RBFOX3: variants seen among roughly 807,000 people sequenced by gnomAD.
The protein encoded by RBFOX3 is RNA binding protein fox-1 homolog 3.
Under a neutral mutation model 48.7 loss-of-function variants are expected in RBFOX3, and 17 were observed. That is an observed-to-expected ratio of 0.35 (90% confidence interval 0.24 to 0.52). The LOEUF (loss-of-function observed/expected upper bound fraction) is 0.52. RBFOX3 is among the 20% of genes least tolerant of loss of function. The pLI is 0.94. For synonymous variants in RBFOX3, 212 were observed against 209.5 expected, an observed-to-expected ratio of 1.01 and a Z score of -0.10; for missense variants, 382 against 497.5, an observed-to-expected ratio of 0.77 and a Z score of 2.21.
intron 4 of RBFOX3, among the ~76,000 whole-genome samples, chr17:79,176,992 C>T (rs377576797): frequency 6.6e-6 from 1 of 152,198 alleles, no homozygotes; most frequent in African/African-American, 2.4e-5. Flanking sequence ...CAGCTGCTGT[C>T]CCGGTCTGGG....
At chr17:79,378,648 C>T (rs910951491) in intron 2 of RBFOX3, among the ~76,000 whole-genome samples, 7 of 152,146 alleles carry the variant, frequency 4.6e-5, no homozygotes, top group East Asian at 3.9e-4. Context: ...AACCTCCTCT[C>T]GCTCTCCTGC....
chr17:79,634,627 A>G, the RBFOX3 span, among the ~76,000 whole-genome samples: 1 of 152,116 alleles, frequency 6.6e-6, no homozygotes, highest in African/African-American at 2.4e-5. Context: ...GTCCTCAGGG[A>G]GCCTTCAGGG....
intron 1 of RBFOX3, among the ~76,000 whole-genome samples, chr17:79,544,935 A>G (rs2090195660): frequency 1.3e-5 from 2 of 151,568 alleles, no homozygotes; most frequent in Non-Finnish European, 1.5e-5. Flanking sequence ...AACATAAAAT[A>G]AAAACATGCT....
At chr17:79,318,880 AG>A (rs1568032917) in intron 2 of RBFOX3, among the ~76,000 whole-genome samples, 6 of 118,912 alleles carry the variant, frequency 5.0e-5, no homozygotes, top group Non-Finnish European at 9.3e-5. Flanking sequence ...AAAAAAAAAA[AG>A]GGATGGAGGG....
chr17:79,198,048 G>A lies in RBFOX3; in HGVS notation c.-34+37718C>T, dbSNP rs1010022183. On this transcript the variant is annotated intron_variant, in intron 4 of 14. Coordinates refer to ENST00000693108, the MANE Select transcript of RBFOX3 (RefSeq NM_001350451.2). The surrounding 1 kb of genome is among the most constrained non-coding windows in gnomAD (Gnocchi z 8.2). ...ATCCATCCCGAGTGCCTCTGTCTGC[G>A]TCAGGAGAGTCGTGTGGGGTGGGCT... Among the ~76,000 whole-genome samples, 6 of 149,720 alleles carry A rather than the reference G, an allele frequency of 4.0e-5. No homozygotes were observed. Among genetic ancestry groups the A allele is most frequent in the East Asian group, 2.0e-4 (1 of 5,046 alleles).
intron 2 of RBFOX3, among the ~76,000 whole-genome samples, chr17:79,466,725 C>T (rs1012315406): frequency 2.6e-5 from 4 of 152,210 alleles, no homozygotes; most frequent in East Asian, 1.9e-4. Context: ...GGGCGGCAGG[C>T]GCCGTTGCCA....
chr17:79,656,710 A>AAGGAAG, the RBFOX3 span, among the ~76,000 whole-genome samples: 1 of 85,008 alleles, frequency 1.2e-5, no homozygotes, highest in African/African-American at 6.1e-5. Context: ...GGAAGGAAGG[A>AAGGAAG]GAGAGAGAGA....
chr17:79,435,719 A>C (rs1262320825), intron 2 of RBFOX3, among the ~76,000 whole-genome samples: 1 of 151,948 alleles, frequency 6.6e-6, no homozygotes, highest in African/African-American at 2.4e-5. Context: ...TGGCATTCCC[A>C]TTGGTTTGCA....
At chr17:79,603,883 A>G (rs2093766893) in intron 1 of RBFOX3, 1 of 152,404 alleles carries the variant, frequency 6.6e-6, no homozygotes, top group African/African-American at 2.4e-5. Context: ...CGCCCTCCCC[A>G]GCGGTATGCT....
In RBFOX3 at chr17:79,311,819, G is replaced by A. The variant is rs574712511; in HGVS notation, c.-174-3995C>T. On this transcript the variant is annotated intron_variant, in intron 2 of 14. Transcript: ENST00000693108. This position sits in a 1 kb window ranked among gnomAD's most constrained non-coding sequence, Gnocchi z 4.2. ...TGGCAGAAACGGGGAACAGGAAGGA[G>A]GCAGCCCAAAGCCTCATGTCTGCTT... is the stretch of plus-strand genomic sequence containing the variant. 1.3e-5 allele frequency among the ~76,000 whole-genome samples: 2 copies of A among 152,272 alleles called. No homozygotes were observed. The highest frequency in any genetic ancestry group is 3.9e-4 in the East Asian group (2 of 5,172).
intron 2 of RBFOX3, among the ~76,000 whole-genome samples, chr17:79,322,215 G>T (rs1437819264): frequency 6.6e-6 from 1 of 151,834 alleles, no homozygotes; most frequent in Non-Finnish European, 1.5e-5. Context: ...AAAAAATACA[G>T]GGGGGTGGGT....
chr17:79,503,872 T>C (rs1382607354), intron 1 of RBFOX3, among the ~76,000 whole-genome samples: 1 of 152,244 alleles, frequency 6.6e-6, no homozygotes, highest in South Asian at 2.1e-4. Context: ...GGTGCAGAGC[T>C]CACAGGGGCT....
intron 2 of RBFOX3, among the ~76,000 whole-genome samples, chr17:79,447,080 T>C (rs1438407610): frequency 6.6e-6 from 1 of 152,216 alleles, no homozygotes; most frequent in Non-Finnish European, 1.5e-5. Flanking sequence ...TGTCTCTTGA[T>C]ATTATCTCAA....
At chr17:79,348,986 C>CA (rs2083390981) in intron 2 of RBFOX3, among the ~76,000 whole-genome samples, 1 of 152,082 alleles carries the variant, frequency 6.6e-6, no homozygotes, top group African/African-American at 2.4e-5. Context: ...ACAATCCCTC[C>CA]AGGCACCTTA....
chr17:79,097,519 C>A (rs995705296), intron 10 of RBFOX3, 95 bp from the exon 11 acceptor site: 1 of 1,417,232 alleles, frequency 7.1e-7, no homozygotes, highest in Non-Finnish European at 9.3e-7. Context: ...CGCACCTAGC[C>A]CCCAACCCCT....
chr17:79,519,215 G>A (rs945164979), intron 1 of RBFOX3, among the ~76,000 whole-genome samples: 2 of 152,226 alleles, frequency 1.3e-5, no homozygotes, highest in Non-Finnish European at 2.9e-5. Flanking sequence ...AGCCCTCTCG[G>A]CAGATGGGGC....
the RBFOX3 span, among the ~76,000 whole-genome samples, chr17:79,632,356 T>C: frequency 6.6e-6 from 1 of 151,870 alleles, no homozygotes; most frequent in South Asian, 2.1e-4. Flanking sequence ...GAACTGGAAA[T>C]GGGCAGGAGG....
intron 4 of RBFOX3, among the ~76,000 whole-genome samples, chr17:79,162,351 A>G (rs775903932): frequency 6.6e-6 from 1 of 152,168 alleles, no homozygotes; most frequent in Non-Finnish European, 1.5e-5. Context: ...CTGCAAGGTG[A>G]GACGTCGGAC....
chr17:79,388,456 G>A (rs991958244), intron 2 of RBFOX3, among the ~76,000 whole-genome samples: 6 of 152,166 alleles, frequency 3.9e-5, no homozygotes, highest in Non-Finnish European at 8.8e-5. Flanking sequence ...ACATGGAATC[G>A]TTTTCAGCTG....
Sources: gnomAD v4.1 joint callset for allele counts (sites outside exome capture counted in the v4.1 genomes callset) on GRCh38, gnomAD v4.1.1 for gene constraint, Gnocchi (gnomAD v3.1) non-coding constraint, MANE v1.5 for transcripts, NCBI Gene and HGNC (gene_info 2026-07-23, HGNC 2026-07-21) for gene names.